The following SNTG2 variants were observed in gnomAD, a reference collection of about 807,000 sequenced individuals.
SNTG2 encodes gamma-2-syntrophin.
Under a neutral mutation model 70.9 loss-of-function variants are expected in SNTG2, and 74 were observed. The observed-to-expected ratio is 1.04, with a 90% CI of 0.86 to 1.27. The LOEUF (loss-of-function observed/expected upper bound fraction) is 1.27. SNTG2 is among the 50% of genes most tolerant of loss of function. The pLI, the probability that SNTG2 is intolerant of heterozygous loss-of-function variation, is 0.00. For missense variants in SNTG2, 717 were observed against 690.7 expected, an observed-to-expected ratio of 1.04 and a Z score of -0.43; for synonymous variants, 278 against 273.8, an observed-to-expected ratio of 1.02 and a Z score of -0.15.
At chr2:1,159,136 G>A (rs1157609070) in intron 6 of SNTG2, among the ~76,000 whole-genome samples, 1 of 52,548 alleles carries the variant, frequency 1.9e-5, no homozygotes, top group Non-Finnish European at 5.0e-5. Context: ...ATGCATGGGT[G>A]TGCATATGTG....
Position 951,001 on chromosome 2 carries a change from G to A in SNTG2, c.5G>A (p.Gly2Asp), listed in dbSNP as rs1275724083. 3 of 1,255,476 alleles carry A rather than the reference G, an allele frequency of 2.4e-6. No individual in the cohort carries two copies. The highest frequency in any genetic ancestry group is 3.3e-5 in the South Asian group (1 of 30,432). The allele number at this position is 1,255,476 out of a possible 1,614,324, so 77.8% of individuals were successfully genotyped here. Reference protein sequence around the residue: MGTEGPPPPAAS... With the variant: MDTEGPPPPAAS... ...GACCCAGCCGCAGGGGCGGCGATGGGCACCGAGGGACCCCCGCCCCCGGCC... is the reference window on the plus strand; with the variant it reads ...GACCCAGCCGCAGGGGCGGCGATGGACACCGAGGGACCCCCGCCCCCGGCC... The change falls in exon 1 of 17, where the codon GGC (glycine) becomes GAC (aspartate). Residue 2 changes from glycine to aspartate, a missense_variant. Physicochemically the swap from Gly to Asp is moderately conservative, Grantham distance 94. Coordinates refer to ENST00000308624, the MANE Select transcript of SNTG2 (RefSeq NM_018968.4).
chr2:1,005,311 A>T (rs1659530756), intron 1 of SNTG2, among the ~76,000 whole-genome samples: 2 of 152,108 alleles, frequency 1.3e-5, no homozygotes. Flanking sequence ...ACCTTGGTGT[A>T]AACCATGACT....
chr2:983,579 G>A (rs143536535), intron 1 of SNTG2, among the ~76,000 whole-genome samples: 128 of 152,334 alleles, frequency 8.4e-4, no homozygotes, highest in African/African-American at 2.3e-3. Context: ...GGCCAGAATC[G>A]TGTTTGCAGC....
intron 1 of SNTG2, among the ~76,000 whole-genome samples, chr2:993,590 G>A (rs1371819356): frequency 6.6e-6 from 1 of 152,056 alleles, no homozygotes; most frequent in African/African-American, 2.4e-5. Context: ...AATCAGTAGT[G>A]TCTCTGATGT....
chr2:1,178,893 T>C (rs1179688918), intron 8 of SNTG2, among the ~76,000 whole-genome samples: 2 of 152,202 alleles, frequency 1.3e-5, no homozygotes, highest in African/African-American at 2.4e-5. Flanking sequence ...AGCTCCTCCT[T>C]GTACCTCTGG....
At chr2:974,692 C>A (rs1660853454) in intron 1 of SNTG2, among the ~76,000 whole-genome samples, 1 of 152,160 alleles carries the variant, frequency 6.6e-6, no homozygotes, top group Non-Finnish European at 1.5e-5. Flanking sequence ...GGCAGCATTT[C>A]CTACTCTGGA....
chr2:1,168,487 C>G (rs906182268), intron 7 of SNTG2, among the ~76,000 whole-genome samples: 1 of 152,164 alleles, frequency 6.6e-6, no homozygotes, highest in African/African-American at 2.4e-5. Flanking sequence ...ACCGAAGAAG[C>G]GAGCCACTCC....
intron 16 of SNTG2, among the ~76,000 whole-genome samples, chr2:1,364,904 C>T (rs754918647): frequency 5.9e-5 from 9 of 151,744 alleles, no homozygotes; most frequent in African/African-American, 1.5e-4. Flanking sequence ...AGTGAGATTC[C>T]GTCTCAAAAA....
intron 1 of SNTG2, among the ~76,000 whole-genome samples, chr2:976,244 A>G (rs1426792941): frequency 1.3e-5 from 2 of 152,234 alleles, no homozygotes; most frequent in African/African-American, 4.8e-5. Context: ...AGTTCTATCA[A>G]TTCTGTAAAA....
Position 1,237,868 on chromosome 2 carries a change from A to G in SNTG2, c.720-20A>G, listed in dbSNP as rs760126861. 4 of 1,590,814 alleles carry G rather than the reference A, an allele frequency of 2.5e-6. No individual in the cohort carries two copies. Among genetic ancestry groups the G allele is most frequent in the South Asian group, 1.1e-5 (1 of 87,074 alleles). Reference sequence around the variant, plus strand: ...CTCCCGTCGCTGCGGGGCCTCCTGGACAGCTCTCTCCCTCCCCAGGTGGAA... The same window carrying G: ...CTCCCGTCGCTGCGGGGCCTCCTGGGCAGCTCTCTCCCTCCCCAGGTGGAA... On this transcript the variant is annotated intron_variant, in intron 9 of 16. Coordinates refer to ENST00000308624, the MANE Select transcript of SNTG2 (RefSeq NM_018968.4).
intron 13 of SNTG2, chr2:1,262,782 A>ACGAGGCAACCCGAAGGCTCCGTCCAGG (rs1678508208): frequency 6.0e-5 from 9 of 149,410 alleles, no homozygotes; most frequent in African/African-American, 1.5e-4. Flanking sequence ...CTCCGTGCAG[A>ACGAGGCAACCCGAAGGCTCCGTCCAGG]CGAGGTAACC....
rs1413086684 is a variant in SNTG2, at chr2:1,146,056, C to T, written c.411+8247C>T. 7.2e-5 allele frequency among the ~76,000 whole-genome samples: 11 copies of T among 151,998 alleles called. 1 individual carries two copies. Among genetic ancestry groups the T allele is most frequent in the Admixed American group, 5.2e-4 (8 of 15,270 alleles). ...ACAGTAGAGAAGGACCTCCTTAACTCGATAAAGATTAACTGCAAAAAATCC... is the reference window on the plus strand; with the variant it reads ...ACAGTAGAGAAGGACCTCCTTAACTTGATAAAGATTAACTGCAAAAAATCC... On this transcript the variant is annotated intron_variant, in intron 6 of 16. Transcript: ENST00000308624.
intron 9 of SNTG2, among the ~76,000 whole-genome samples, chr2:1,237,444 A>G (rs1430626074): frequency 1.3e-5 from 2 of 152,028 alleles, no homozygotes; most frequent in Admixed American, 6.5e-5. Flanking sequence ...GAAGGGGACT[A>G]TGTTCTCCCA....
At chr2:1,279,476 C>T (rs558930554) in intron 14 of SNTG2, among the ~76,000 whole-genome samples, 21 of 152,296 alleles carry the variant, frequency 1.4e-4, no homozygotes, top group Non-Finnish European at 2.4e-4. Flanking sequence ...CTAAGGGTCT[C>T]GGAATGTAAC....
intron 1 of SNTG2, among the ~76,000 whole-genome samples, chr2:1,035,364 A>G (rs1451743861): frequency 6.6e-6 from 1 of 152,204 alleles, no homozygotes; most frequent in East Asian, 1.9e-4. Context: ...TGATCCTGGC[A>G]GTGCTCTATG....
intron 1 of SNTG2, among the ~76,000 whole-genome samples, chr2:1,033,543 A>G (rs901175333): frequency 4.6e-5 from 7 of 152,210 alleles, no homozygotes; most frequent in Admixed American, 6.5e-5. Context: ...TTAAAATATC[A>G]TAAAGCTTAC....
chr2:1,011,575 G>A (rs1184731934), intron 1 of SNTG2, among the ~76,000 whole-genome samples: 1 of 152,110 alleles, frequency 6.6e-6, no homozygotes, highest in Admixed American at 6.5e-5. Context: ...TGTCTTGTGA[G>A]CAGCATAAAA....
chr2:984,082 A>G (rs1661221580), intron 1 of SNTG2, among the ~76,000 whole-genome samples: 1 of 152,190 alleles, frequency 6.6e-6, no homozygotes, highest in Non-Finnish European at 1.5e-5. Flanking sequence ...CTGAGGGGCC[A>G]GGTGGCAGGA....
At chr2:1,151,995 T>TATG (rs1669529304) in intron 6 of SNTG2, among the ~76,000 whole-genome samples, 1 of 151,846 alleles carries the variant, frequency 6.6e-6, no homozygotes, top group African/African-American at 2.4e-5. Flanking sequence ...AGAGAACAAT[T>TATG]CAAATATTAA....
Sources: allele counts gnomAD v4.1 joint callset (sites outside exome capture counted in the v4.1 genomes callset), GRCh38; gene constraint gnomAD v4.1.1; transcripts MANE v1.5; gene names NCBI Gene and HGNC (gene_info 2026-07-23, HGNC 2026-07-21).